Variants in GNAI1 observed in about 807,000 individuals in gnomAD.
GNAI1 encodes the protein guanine nucleotide-binding protein G(i) subunit alpha-1.
A neutral mutation model predicts 38.9 loss-of-function variants in GNAI1; 11 were observed. The ratio of observed to expected loss-of-function variants is 0.28; its 90% CI spans 0.18 to 0.47. The LOEUF (loss-of-function observed/expected upper bound fraction) is 0.47. GNAI1 is among the 20% of genes least tolerant of loss of function. GNAI1 has a pLI of 0.99. For missense variants in GNAI1, 317 were observed against 436.9 expected, an observed-to-expected ratio of 0.73 and a Z score of 2.45; for synonymous variants, 166 against 145.1, an observed-to-expected ratio of 1.14 and a Z score of -1.04.
rs182034954 is a variant in GNAI1 at position 80,189,188 on chromosome 7, C to T, written c.260C>T (p.Ala87Val). The change falls in exon 3 of 8, where the codon GCT (alanine) becomes GTT (valine). Residue 87 changes from alanine to valine, a missense_variant. By Grantham distance (64) the Ala-to-Val change is moderately conservative. Transcript: ENST00000649796. Reference sequence around the variant, plus strand: ...CAGTCAATTATTGCTATCATTAGGGCTATGGGGAGGTTGAAGATAGACTTT... The same window carrying T: ...CAGTCAATTATTGCTATCATTAGGGTTATGGGGAGGTTGAAGATAGACTTT... ...TIQSIIAIIRAMGRLKIDFGD... is the reference protein window; with the variant it reads ...TIQSIIAIIRVMGRLKIDFGD... 6.2e-7 allele frequency: 1 copy of T among 1,610,320 alleles called. No individual in the cohort carries two copies. Among genetic ancestry groups the T allele is most frequent in the East Asian group, 2.2e-5 (1 of 44,828 alleles).
At chr7:80,135,561 G>A (rs1787394890) in intron 1 of GNAI1, 2 of 368,368 alleles carry the variant, frequency 5.4e-6, no homozygotes, top group Non-Finnish European at 9.6e-6. Flanking sequence ...CGAGTCCGAG[G>A]CGGCGGGTCG....
At chr7:80,214,738 T>G (rs918909315) in intron 7 of GNAI1, among the ~76,000 whole-genome samples, 1 of 152,306 alleles carries the variant, frequency 6.6e-6, no homozygotes, top group East Asian at 1.9e-4. Context: ...AACAACTCAC[T>G]TGATTTATCT....
chr7:80,151,084 C>G (rs1364826402), intron 1 of GNAI1, among the ~76,000 whole-genome samples: 1 of 152,110 alleles, frequency 6.6e-6, no homozygotes, highest in African/African-American at 2.4e-5. Flanking sequence ...CCCTGCATTT[C>G]CATATTTCCC....
chr7:80,208,720 C>T (rs558866947), intron 5 of GNAI1, among the ~76,000 whole-genome samples: 1 of 152,118 alleles, frequency 6.6e-6, no homozygotes, highest in Non-Finnish European at 1.5e-5. Context: ...CTCAGTTTAT[C>T]TCTTCCACTC....
chr7:80,200,184 C>G (rs780747241), intron 4 of GNAI1, among the ~76,000 whole-genome samples: 3 of 151,494 alleles, frequency 2.0e-5, no homozygotes, highest in Non-Finnish European at 4.4e-5. Flanking sequence ...ATTAGCCAGT[C>G]ATGATGGTGC....
chr7:80,177,388 C>G (rs1234732424), intron 1 of GNAI1, among the ~76,000 whole-genome samples: 3 of 152,252 alleles, frequency 2.0e-5, no homozygotes, highest in Admixed American at 2.0e-4. Context: ...TAAGACCTTA[C>G]TGCACATATA....
chr7:80,144,670 T>C (rs1787587442), intron 1 of GNAI1, among the ~76,000 whole-genome samples: 1 of 152,208 alleles, frequency 6.6e-6, no homozygotes, highest in South Asian at 2.1e-4. Context: ...CAGCCGTTGC[T>C]GAAGGCTTAC....
At chr7:80,169,755 C>A (rs551563211) in intron 1 of GNAI1, among the ~76,000 whole-genome samples, 23 of 152,212 alleles carry the variant, frequency 1.5e-4, no homozygotes, top group African/African-American at 5.5e-4. Flanking sequence ...TAATGTCGTG[C>A]AGCCATTACC....
intron 1 of GNAI1, among the ~76,000 whole-genome samples, chr7:80,138,409 G>A (rs540851247): frequency 7.9e-5 from 12 of 152,226 alleles, no homozygotes; most frequent in Non-Finnish European, 1.6e-4. Context: ...CAGAGTTTGG[G>A]TTGTTTGTCT....
At chr7:80,211,181 CA>C in intron 6 of GNAI1, 83 bp downstream of exon 6, 1 of 1,226,744 alleles carries the variant, frequency 8.2e-7, no homozygotes, top group Non-Finnish European at 1.2e-6. Flanking sequence ...ATGTCTATAA[CA>C]ATTTGAAAGT....
chr7:80,175,967 G>T (rs1162914665), intron 1 of GNAI1, among the ~76,000 whole-genome samples: 1 of 152,188 alleles, frequency 6.6e-6, no homozygotes, highest in Non-Finnish European at 1.5e-5. Flanking sequence ...TCAAAAGCTA[G>T]AAATGATTAA....
At chr7:80,217,191 A>G (rs1278682118) in intron 7 of GNAI1, 112 bp from the exon 8 acceptor site, 2 of 152,352 alleles carry the variant, frequency 1.3e-5, no homozygotes, top group African/African-American at 8.4e-5. Context: ...GGAGTCCATG[A>G]ATGAAACTGT....
rs1175366241 is a variant in GNAI1, at chr7:80,221,890, T to G, written c.*4397T>G. Among the ~76,000 whole-genome samples, 1 of 152,146 alleles carries G rather than the reference T, an allele frequency of 6.6e-6. No individual in the cohort carries two copies. Among genetic ancestry groups the G allele is most frequent in the Non-Finnish European group, 1.5e-5 (1 of 68,028 alleles). ...CACCTGACCTTGTGATCTGACCGCC[T>G]CGGCCTCCCAAAGTGCTGGGATTAC... On this transcript the variant is annotated 3_prime_UTR_variant, in exon 8 of 8. Transcript: ENST00000649796.
intron 3 of GNAI1, among the ~76,000 whole-genome samples, chr7:80,196,177 C>T (rs1381526253): frequency 6.6e-6 from 1 of 151,990 alleles, no homozygotes; most frequent in African/African-American, 2.4e-5. Flanking sequence ...GTTCTCAGAG[C>T]ACATGAATAT....
chr7:80,178,564 G>T (rs369677104), intron 1 of GNAI1, among the ~76,000 whole-genome samples: 2 of 152,190 alleles, frequency 1.3e-5, no homozygotes, highest in African/African-American at 2.4e-5. Context: ...TCCAGCAGAA[G>T]ATGATGACTC....
intron 1 of GNAI1, among the ~76,000 whole-genome samples, chr7:80,168,904 G>T (rs1788057711): frequency 6.6e-6 from 1 of 152,086 alleles, no homozygotes; most frequent in Admixed American, 6.5e-5. Flanking sequence ...TTTTATTACA[G>T]GTTTTTCTTT....
intron 1 of GNAI1, among the ~76,000 whole-genome samples, chr7:80,144,961 G>T (rs544961933): frequency 2.0e-5 from 3 of 152,226 alleles, no homozygotes; most frequent in Admixed American, 6.5e-5. Context: ...CAGTAAAGTT[G>T]CTGGGACTAT....
At chr7:80,198,658 G>T (rs953766128) in intron 3 of GNAI1, among the ~76,000 whole-genome samples, 2 of 151,986 alleles carry the variant, frequency 1.3e-5, no homozygotes, top group African/African-American at 4.8e-5. Flanking sequence ...ATTTTAATGT[G>T]TCCATACTTA....
In GNAI1 at chr7:80,219,382, A is replaced by C. The variant is rs574798784; in HGVS notation, c.*1889A>C. The C allele has an allele frequency of 1.3e-5, 2 of 152,726 alleles. No homozygotes were observed. The highest frequency in any genetic ancestry group is 1.5e-5 in the Non-Finnish European group (1 of 68,020). The allele number at this position is 152,726 out of a possible 1,614,324, so 9.5% of individuals were successfully genotyped here. Reference sequence around the variant, plus strand: ...TGTAATTGTGTTAATAAATCCTAATAAATTTAAATTTTTAAAATTTTACAA... The same window carrying C: ...TGTAATTGTGTTAATAAATCCTAATCAATTTAAATTTTTAAAATTTTACAA... On this transcript the variant is annotated 3_prime_UTR_variant, in exon 8 of 8. Transcript: ENST00000649796.
Sources: gnomAD v4.1 joint callset for allele counts (sites outside exome capture counted in the v4.1 genomes callset) on GRCh38, gnomAD v4.1.1 for gene constraint, MANE v1.5 for transcripts, NCBI Gene and HGNC (gene_info 2026-07-23, HGNC 2026-07-21) for gene names.